Variants in CADM2 observed in about 807,000 individuals in gnomAD.
The protein encoded by CADM2 is cell adhesion molecule 2, also known as immunoglobulin superfamily member 4D.
A neutral mutation model predicts 49.8 loss-of-function variants in CADM2; 12 were observed. The ratio of observed to expected loss-of-function variants is 0.24; its 90% CI spans 0.15 to 0.39. CADM2 has a LOEUF of 0.39. Among genes scored for constraint, CADM2 ranks in the 10% least tolerant of loss-of-function variants. The probability of loss-of-function intolerance (pLI) is 1.00; values close to 1 mark genes in which losing one functional copy is unlikely to be tolerated. For missense variants in CADM2, 378 were observed against 492.3 expected, an observed-to-expected ratio of 0.77 and a Z score of 2.20; for synonymous variants, 214 against 175.4, an observed-to-expected ratio of 1.22 and a Z score of -1.74.
At position 85,147,132 on chromosome 3, in the gene CADM2, G is replaced by A. The variant is rs569943479; in HGVS notation, c.61+187464G>A. 6.6e-5 allele frequency among the ~76,000 whole-genome samples: 10 copies of A among 151,812 alleles called. No homozygotes were observed. In the East Asian group the frequency reaches 1.8e-3, roughly 27 times the overall value. On this transcript the variant is annotated intron_variant, in intron 1 of 9. Coordinates refer to ENST00000383699, the MANE Select transcript of CADM2 (RefSeq NM_001167675.2). ...TACTAAAAATACAAGAAAATTAGCC[G>A]GGCATGGTGGCGGGCGCCTGTAGTC...
intron 1 of CADM2, among the ~76,000 whole-genome samples, chr3:85,332,928 A>G (rs2044972524): frequency 6.6e-6 from 1 of 151,906 alleles, no homozygotes; most frequent in Admixed American, 6.6e-5. Context: ...TTAATAATAG[A>G]TTATTCTCAT....
chr3:85,544,750 A>G (rs1263690327), intron 1 of CADM2, among the ~76,000 whole-genome samples: 1 of 152,004 alleles, frequency 6.6e-6, no homozygotes, highest in African/African-American at 2.4e-5. Flanking sequence ...ATAATTGACA[A>G]TGGGCCACTT....
intron 7 of CADM2, among the ~76,000 whole-genome samples, chr3:85,945,953 A>G (rs1428953338): frequency 1.3e-5 from 2 of 152,122 alleles, no homozygotes; most frequent in South Asian, 4.1e-4. Context: ...AGAAAGAAAT[A>G]AAGGGTATTC....
intron 1 of CADM2, among the ~76,000 whole-genome samples, chr3:85,345,942 C>A (rs1223559878): frequency 6.6e-6 from 1 of 152,066 alleles, no homozygotes. Flanking sequence ...AATATGCATA[C>A]ATTTATATTC....
intron 3 of CADM2, among the ~76,000 whole-genome samples, chr3:85,879,763 C>T (rs1712464266): frequency 6.6e-6 from 1 of 152,158 alleles, no homozygotes; most frequent in South Asian, 2.1e-4. Flanking sequence ...TATGAAACAA[C>T]ATCACAACGA....
intron 1 of CADM2, among the ~76,000 whole-genome samples, chr3:85,694,496 T>G (rs1333073884): frequency 6.6e-6 from 1 of 152,164 alleles, no homozygotes; most frequent in Non-Finnish European, 1.5e-5. Context: ...AGAAAATAAA[T>G]GTTTGCTTTT....
intron 8 of CADM2, among the ~76,000 whole-genome samples, chr3:86,010,764 TAATC>T (rs1290989351): frequency 2.6e-5 from 4 of 151,316 alleles, no homozygotes; most frequent in Admixed American, 2.0e-4. Context: ...GTCAGTAAAA[TAATC>T]AATAGCTCTA....
At chr3:85,845,581 T>G (rs1198342622) in intron 3 of CADM2, among the ~76,000 whole-genome samples, 1 of 152,096 alleles carries the variant, frequency 6.6e-6, no homozygotes, top group Admixed American at 6.6e-5. Flanking sequence ...AACCAAAGTT[T>G]TTAGGTCTCA....
At chr3:85,351,133 G>T (rs2031300220) in intron 1 of CADM2, among the ~76,000 whole-genome samples, 1 of 152,016 alleles carries the variant, frequency 6.6e-6, no homozygotes, top group Non-Finnish European at 1.5e-5. Context: ...GAAATCTGTT[G>T]ACTGTTTGAT....
chr3:85,384,866 C>A (rs1360397699), intron 1 of CADM2, among the ~76,000 whole-genome samples: 1 of 151,658 alleles, frequency 6.6e-6, no homozygotes, highest in Non-Finnish European at 1.5e-5. Context: ...GATTATATAC[C>A]CAATTGCATA....
At chr3:85,236,180 C>G (rs904511376) in intron 1 of CADM2, among the ~76,000 whole-genome samples, 31 of 152,080 alleles carry the variant, frequency 2.0e-4, no homozygotes, top group African/African-American at 7.0e-4. Flanking sequence ...CCTTCTAATT[C>G]TCTTGCTAGT....
At chr3:84,973,981 A>T (rs1040654881) in intron 1 of CADM2, among the ~76,000 whole-genome samples, 1 of 152,170 alleles carries the variant, frequency 6.6e-6, no homozygotes, top group African/African-American at 2.4e-5. Context: ...GAAGTTTAAA[A>T]ATAAAATGAA....
At chr3:84,983,694 G>A (rs2032351773) in intron 1 of CADM2, among the ~76,000 whole-genome samples, 1 of 152,144 alleles carries the variant, frequency 6.6e-6, no homozygotes, top group South Asian at 2.1e-4. Context: ...CTGCTAGGAT[G>A]TAAAGGCATT....
chr3:85,370,059 A>G (rs11929389), intron 1 of CADM2, among the ~76,000 whole-genome samples: 6,024 of 151,806 alleles, frequency 0.04, 410 homozygotes, highest in African/African-American at 0.14. Context: ...CTAAAAATAC[A>G]AAAATTAGCT....
chr3:85,071,429 T>A (rs1032376514), intron 1 of CADM2, among the ~76,000 whole-genome samples: 2 of 151,432 alleles, frequency 1.3e-5, no homozygotes, highest in Non-Finnish European at 2.9e-5. Context: ...CAGTCAGTTT[T>A]GCTCAGGATA....
At chr3:85,237,135 T>A (rs1249109548) in intron 1 of CADM2, among the ~76,000 whole-genome samples, 3 of 152,072 alleles carry the variant, frequency 2.0e-5, no homozygotes, top group Non-Finnish European at 4.4e-5. Flanking sequence ...GGCAAGCGAT[T>A]AGTTTTCAAA....
intron 1 of CADM2, among the ~76,000 whole-genome samples, chr3:85,546,647 A>T (rs928271336): frequency 2.0e-5 from 3 of 152,162 alleles, no homozygotes; most frequent in Non-Finnish European, 4.4e-5. Flanking sequence ...TGAGTTGCAG[A>T]TATCAGCTGC....
chr3:85,170,648 A>C (rs2040600340), intron 1 of CADM2, among the ~76,000 whole-genome samples: 1 of 152,158 alleles, frequency 6.6e-6, no homozygotes, highest in Non-Finnish European at 1.5e-5. Context: ...TAACATTTTA[A>C]AAATAAAATT....
In CADM2 at chr3:84,999,105, C is replaced by T. The variant is rs1049950185; in HGVS notation, c.61+39437C>T. Reference sequence around the variant, plus strand: ...TCTTTGTGAAGCTAATTTTAAACTACAGCCTTTCTTCTTCCCAATTGCAAC... The same window carrying T: ...TCTTTGTGAAGCTAATTTTAAACTATAGCCTTTCTTCTTCCCAATTGCAAC... On this transcript the variant is annotated intron_variant, in intron 1 of 9. Coordinates refer to ENST00000383699, the MANE Select transcript of CADM2 (RefSeq NM_001167675.2). Among the ~76,000 whole-genome samples, 4 of 152,268 alleles carry T rather than the reference C, an allele frequency of 2.6e-5. No individual in the cohort carries two copies. The East Asian group carries it at 7.7e-4, about 29-fold the overall frequency.
Sources: allele counts gnomAD v4.1 joint callset (sites outside exome capture counted in the v4.1 genomes callset), GRCh38; gene constraint gnomAD v4.1.1; transcripts MANE v1.5; gene names NCBI Gene and HGNC (gene_info 2026-07-23, HGNC 2026-07-21).